UBTD2: variants seen among roughly 807,000 people sequenced by gnomAD.
The protein encoded by UBTD2 is ubiquitin domain containing 2.
A neutral mutation model predicts 19.8 loss-of-function variants in UBTD2; 9 were observed. The ratio of observed to expected loss-of-function variants is 0.46; its 90% CI spans 0.27 to 0.79. UBTD2 has a LOEUF of 0.79. Among genes scored for constraint, UBTD2 ranks in the 30% least tolerant of loss-of-function variants. The pLI is 0.14. For missense variants in UBTD2, 250 were observed against 300.4 expected (o/e 0.83, Z 1.24); for synonymous variants, 98 against 103.9 (o/e 0.94, Z 0.35).
At chr5:172,254,613 C>T (rs1755101404) in intron 1 of UBTD2, 2 of 647,932 alleles carry the variant, frequency 3.1e-6, no homozygotes, top group African/African-American at 3.9e-5. Flanking sequence ...CACTTTGTTG[C>T]ATCCATCGTA....
chr5:172,220,764 T>C (rs143343615), intron 2 of UBTD2, among the ~76,000 whole-genome samples: 2 of 152,348 alleles, frequency 1.3e-5, no homozygotes, highest in East Asian at 3.9e-4. Flanking sequence ...CTGGAAGTCC[T>C]AGCTAATGCA....
At chr5:172,255,499 C>A in intron 1 of UBTD2, 1 of 342,720 alleles carries the variant, frequency 2.9e-6, no homozygotes. Flanking sequence ...GGACGCCGCC[C>A]ACGAGAAATA....
chr5:172,272,946 G>A lies in UBTD2; in HGVS notation c.70+10650C>T, dbSNP rs529502515. 1.3e-4 allele frequency among the ~76,000 whole-genome samples: 20 copies of A among 152,080 alleles called. No individual in the cohort carries two copies. The South Asian group carries it at 2.3e-3, about 17-fold the overall frequency. ...ATACAAAAATTAGCTGGGCGTAGTC[G>A]CACACCTGTAGTCCCAGCTACTCGG... On this transcript the variant is annotated intron_variant, in intron 1 of 2. Transcript: ENST00000393792.
intron 1 of UBTD2, among the ~76,000 whole-genome samples, chr5:172,274,836 T>C (rs899758905): frequency 1.3e-5 from 2 of 151,900 alleles, no homozygotes; most frequent in African/African-American, 4.8e-5. Flanking sequence ...GTCAGGAGAT[T>C]GAGACCATCC....
intron 2 of UBTD2, among the ~76,000 whole-genome samples, chr5:172,222,944 A>T (rs1771683051): frequency 6.6e-6 from 1 of 152,226 alleles, no homozygotes; most frequent in Admixed American, 6.5e-5. Flanking sequence ...GCTGGTGAAC[A>T]AGACAAAGCC....
rs551941814 is a variant in UBTD2 at position 172,283,665 on chromosome 5, TG to T, written c.-1del. 1.8e-4 allele frequency: 220 copies of T among 1,241,346 alleles called. 1 individual carries two copies. In the African/African-American group the frequency reaches 3.0e-3, roughly 17 times the overall value. The allele number at this position is 1,241,346 out of a possible 1,614,324, so 76.9% of individuals were successfully genotyped here. A position where few individuals can be genotyped will look rare whatever the true frequency, so the allele number is the denominator to read the frequency against. On this transcript the variant is annotated 5_prime_UTR_variant, in exon 1 of 3. Coordinates refer to ENST00000393792, the MANE Select transcript of UBTD2 (RefSeq NM_152277.3). This position sits in a 1 kb window ranked among gnomAD's most constrained non-coding sequence, Gnocchi z 4.3. ...TGCTGGGCGCCCACACACCCGCCCA[TG>T]GGGGCCCCCGGCGCCTCGTCCGCCA...
intron 2 of UBTD2, among the ~76,000 whole-genome samples, chr5:172,228,188 ATAGAC>A (rs946993089): frequency 6.6e-6 from 1 of 152,232 alleles, no homozygotes; most frequent in Non-Finnish European, 1.5e-5. Context: ...AACATTAGAC[ATAGAC>A]TAAACACTGA....
chr5:172,244,781 T>C (rs531575561), intron 1 of UBTD2, among the ~76,000 whole-genome samples: 1 of 152,012 alleles, frequency 6.6e-6, no homozygotes, highest in Non-Finnish European at 1.5e-5. Context: ...CAGGATGGAG[T>C]GCAATGGTGC....
chr5:172,218,790 TAAAA>T (rs1200379659), intron 2 of UBTD2, among the ~76,000 whole-genome samples: 1,337 of 51,068 alleles, frequency 0.026, 22 homozygotes, highest in African/African-American at 0.099. Flanking sequence ...AAAAAAAAAA[TAAAA>T]AAATAAAAAA....
intron 1 of UBTD2, chr5:172,252,502 A>T (rs1554129263): frequency 6.6e-6 from 1 of 152,224 alleles, no homozygotes; most frequent in Non-Finnish European, 1.5e-5. Context: ...TTAGTGACCA[A>T]ACAAAATAAT....
intron 1 of UBTD2, among the ~76,000 whole-genome samples, chr5:172,237,218 C>G (rs966919861): frequency 6.6e-6 from 1 of 152,132 alleles, no homozygotes; most frequent in African/African-American, 2.4e-5. Flanking sequence ...CTCAGCCTCT[C>G]GAGTAGCTGG....
intron 2 of UBTD2, among the ~76,000 whole-genome samples, chr5:172,230,739 G>A (rs1051948051): frequency 6.6e-6 from 1 of 151,590 alleles, no homozygotes; most frequent in African/African-American, 2.4e-5. Context: ...ATATTTAAGG[G>A]GTAGTACAAC....
In UBTD2 at chr5:172,210,353, A is replaced by AT. The variant is rs1273394379; in HGVS notation, c.*1476dup. On this transcript the variant is annotated 3_prime_UTR_variant, in exon 3 of 3. Coordinates refer to ENST00000393792, the MANE Select transcript of UBTD2 (RefSeq NM_152277.3). ...ATCCAAACAGGTGTGGAGGGCTGAC[A>AT]TTTTCCAACTGAGAACAGCGTTAAG... 1 of 152,254 alleles carries AT rather than the reference A, an allele frequency of 6.6e-6. No homozygotes were observed. The highest frequency in any genetic ancestry group is 1.9e-4 in the East Asian group (1 of 5,188). 9.4% of individuals were successfully genotyped at this position (152,254 alleles called of 1,614,324 possible). A position where few individuals can be genotyped will look rare whatever the true frequency, so the allele number is the denominator to read the frequency against.
At chr5:172,270,068 C>T (rs2113119913) in intron 1 of UBTD2, among the ~76,000 whole-genome samples, 1 of 150,980 alleles carries the variant, frequency 6.6e-6, no homozygotes, top group Non-Finnish European at 1.5e-5. Flanking sequence ...CAGAGCAAGA[C>T]TCTGTCTCAA....
chr5:172,281,322 C>T (rs1288734972), intron 1 of UBTD2, among the ~76,000 whole-genome samples: 1 of 152,108 alleles, frequency 6.6e-6, no homozygotes, highest in Non-Finnish European at 1.5e-5. Context: ...ACGGCAAAAC[C>T]CACCTCTACT....
intron 2 of UBTD2, among the ~76,000 whole-genome samples, chr5:172,227,744 G>A (rs930960090): frequency 4.9e-5 from 6 of 122,254 alleles, no homozygotes; most frequent in African/African-American, 9.9e-5. Flanking sequence ...TGCTCTTGTC[G>A]TCCAGGCTGG....
Position 172,222,878 on chromosome 5 carries a change from C to T in UBTD2, c.308-10651G>A, listed in dbSNP as rs144026082. ...AGGTGGCTAAAACAGGTAAATTAAA[C>T]GTTCAACATTCACTGCCTTTTTTAT... On this transcript the variant is annotated intron_variant, in intron 2 of 2. Coordinates refer to ENST00000393792, the MANE Select transcript of UBTD2 (RefSeq NM_152277.3). Among the ~76,000 whole-genome samples the T allele has an allele frequency of 3.0e-3, 457 of 152,250 alleles. 6 individuals carry two copies. Among genetic ancestry groups the T allele is most frequent in the African/African-American group, 0.01 (427 of 41,542 alleles).
intron 1 of UBTD2, among the ~76,000 whole-genome samples, chr5:172,280,065 G>A (rs980519925): frequency 9.9e-5 from 15 of 151,786 alleles, no homozygotes; most frequent in African/African-American, 3.4e-4. Context: ...TCGTGCCATT[G>A]CATTCCAGCC....
intron 2 of UBTD2, among the ~76,000 whole-genome samples, chr5:172,219,474 A>C (rs548117048): frequency 6.6e-6 from 1 of 152,320 alleles, no homozygotes; most frequent in South Asian, 2.1e-4. Context: ...CGGAGTATCC[A>C]TGCTGTATAC....
Sources: gnomAD v4.1 joint callset for allele counts (sites outside exome capture counted in the v4.1 genomes callset) on GRCh38, gnomAD v4.1.1 for gene constraint, Gnocchi (gnomAD v3.1) non-coding constraint, MANE v1.5 for transcripts, NCBI Gene and HGNC (gene_info 2026-07-23, HGNC 2026-07-21) for gene names.